Variants in AGBL3 observed in about 807,000 individuals in gnomAD.
The protein encoded by AGBL3 is cytosolic carboxypeptidase 3.
A neutral mutation model predicts 94.5 loss-of-function variants in AGBL3; 68 were observed. That is an observed-to-expected ratio of 0.72 (90% CI 0.59 to 0.88). The LOEUF is 0.88. Among genes scored for constraint, AGBL3 ranks in the 40% least tolerant of loss-of-function variants. AGBL3 has a pLI of 0.00. For synonymous variants in AGBL3, 354 were observed against 370.7 expected (o/e 0.95, Z 0.52); for missense variants, 934 against 1,103.8 (o/e 0.85, Z 2.18).
chr7:135,115,631 T>A lies in AGBL3; in HGVS notation c.2342+20T>A, dbSNP rs754445096. 1 of 1,498,342 alleles carries A rather than the reference T, an allele frequency of 6.7e-7. No individual in the cohort carries two copies. The highest frequency in any genetic ancestry group is 9.1e-7 in the Non-Finnish European group (1 of 1,102,756). The allele number at this position is 1,498,342 out of a possible 1,614,324, so 92.8% of individuals were successfully genotyped here. ...ACATCAGTAAGTCAATACAATTTTA[T>A]CACTCTTATCTATTTAACACATCTT... On this transcript the variant is annotated intron_variant, in intron 16 of 16. Transcript: ENST00000436302.
At chr7:135,102,890 A>T (rs1022682884) in intron 15 of AGBL3, among the ~76,000 whole-genome samples, 2 of 152,178 alleles carry the variant, frequency 1.3e-5, no homozygotes, top group Admixed American at 1.3e-4. Flanking sequence ...AATAGTACTC[A>T]TAAACACCAA....
intron 4 of AGBL3, among the ~76,000 whole-genome samples, chr7:134,999,924 C>T (rs2133403881): frequency 6.6e-6 from 1 of 152,346 alleles, no homozygotes; most frequent in South Asian, 2.1e-4. Flanking sequence ...TGCCATCAGT[C>T]AACCTAGTAG....
At chr7:135,024,614 C>A (rs924741854) in intron 5 of AGBL3, among the ~76,000 whole-genome samples, 1 of 152,176 alleles carries the variant, frequency 6.6e-6, no homozygotes, top group Non-Finnish European at 1.5e-5. Context: ...CAAATGAGCA[C>A]ACTAGCTCTC....
chr7:135,131,955 A>G (rs955305401), intron 16 of AGBL3, among the ~76,000 whole-genome samples: 24 of 152,278 alleles, frequency 1.6e-4, no homozygotes, highest in African/African-American at 5.3e-4. Context: ...TCAATAAAAT[A>G]TGAACTACCC....
intron 4 of AGBL3, among the ~76,000 whole-genome samples, chr7:135,000,402 T>C (rs527862808): frequency 1.1e-4 from 17 of 152,316 alleles, no homozygotes; most frequent in Non-Finnish European, 1.6e-4. Flanking sequence ...ATTGAGGGCC[T>C]GCTTGAATAG....
intron 15 of AGBL3, among the ~76,000 whole-genome samples, chr7:135,096,153 A>C (rs1011827890): frequency 6.6e-6 from 1 of 151,006 alleles, no homozygotes; most frequent in African/African-American, 2.4e-5. Flanking sequence ...CTCTCTCTCA[A>C]AAAAAAAAAA....
intron 15 of AGBL3, among the ~76,000 whole-genome samples, chr7:135,089,489 C>T (rs1399662170): frequency 6.6e-6 from 1 of 152,204 alleles, no homozygotes; most frequent in East Asian, 1.9e-4. Context: ...CCCTTCCAAA[C>T]TTTCCACAGT....
intron 2 of AGBL3, among the ~76,000 whole-genome samples, chr7:134,988,947 CTTAAT>C (rs1392637645): frequency 1.3e-5 from 2 of 152,036 alleles, no homozygotes; most frequent in East Asian, 3.9e-4. Context: ...CAATTTTATT[CTTAAT>C]TTAAATAGTT....
intron 15 of AGBL3, among the ~76,000 whole-genome samples, chr7:135,102,291 ATTATAC>A (rs1009292449): frequency 1.3e-5 from 2 of 152,208 alleles, no homozygotes; most frequent in Non-Finnish European, 2.9e-5. Context: ...TACCATGGAA[ATTATAC>A]TTATATTTTC....
chr7:135,066,338 C>G (rs975804008), intron 12 of AGBL3, among the ~76,000 whole-genome samples: 1 of 152,086 alleles, frequency 6.6e-6, no homozygotes, highest in African/African-American at 2.4e-5. Context: ...GACATTTCTC[C>G]AAGGAAGACA....
intron 16 of AGBL3, chr7:135,129,025 T>C: frequency 6.2e-7 from 1 of 1,608,332 alleles, no homozygotes; most frequent in South Asian, 1.1e-5. Context: ...TACTTTGAAA[T>C]CCAGATCAGA....
chr7:135,005,335 C>T (rs1215568569), intron 4 of AGBL3, among the ~76,000 whole-genome samples: 2 of 151,732 alleles, frequency 1.3e-5, no homozygotes, highest in African/African-American at 4.8e-5. Context: ...AATCTAAACG[C>T]ATACCACAAT....
chr7:135,003,657 AT>A (rs969107057), intron 4 of AGBL3, among the ~76,000 whole-genome samples: 7 of 150,268 alleles, frequency 4.7e-5, no homozygotes, highest in African/African-American at 1.2e-4. Flanking sequence ...TATAGTTTTA[AT>A]TTTTTTTTTT....
intron 11 of AGBL3, among the ~76,000 whole-genome samples, chr7:135,053,544 T>C (rs2116638928): frequency 6.6e-6 from 1 of 151,546 alleles, no homozygotes; most frequent in Non-Finnish European, 1.5e-5. Flanking sequence ...GAGGCGGAGG[T>C]TGCAGTGAGC....
intron 16 of AGBL3, among the ~76,000 whole-genome samples, chr7:135,125,613 A>T (rs1165181415): frequency 6.6e-6 from 1 of 152,208 alleles, no homozygotes; most frequent in Non-Finnish European, 1.5e-5. Flanking sequence ...TCAGACCAAT[A>T]TTCCTGATGA....
In AGBL3 at chr7:135,065,883, C is replaced by G. The variant is rs571152161; in HGVS notation, c.1908+6648C>G. 2.0e-5 allele frequency among the ~76,000 whole-genome samples: 3 copies of G among 152,110 alleles called. No homozygotes were observed. The South Asian group carries it at 6.2e-4, about 32-fold the overall frequency. On this transcript the variant is annotated intron_variant, in intron 12 of 16. Coordinates refer to ENST00000436302, the MANE Select transcript of AGBL3 (RefSeq NM_178563.4). ...TCGAGCCTGAGCAACAGAATGAGAC[C>G]CTGTATCAAAGAAACAAAAATGGTG...
intron 16 of AGBL3, among the ~76,000 whole-genome samples, chr7:135,123,842 C>T (rs1268032417): frequency 1.3e-5 from 2 of 152,134 alleles, no homozygotes; most frequent in African/African-American, 2.4e-5. Context: ...CAAGCAAATA[C>T]TGAGGGGTTT....
At chr7:135,035,506 T>G (rs1198460027) in intron 7 of AGBL3, among the ~76,000 whole-genome samples, 2 of 152,036 alleles carry the variant, frequency 1.3e-5, no homozygotes, top group African/African-American at 4.8e-5. Context: ...TATATAAGAT[T>G]AAGTATATTT....
Position 135,012,948 on chromosome 7 carries a change from T to C in AGBL3, c.311-4104T>C, listed in dbSNP as rs575151232. Among the ~76,000 whole-genome samples the C allele has an allele frequency of 9.2e-5, 14 of 152,212 alleles. 1 individual carries two copies. The highest frequency in any genetic ancestry group is 5.9e-4 in the Admixed American group (9 of 15,290). On this transcript the variant is annotated intron_variant, in intron 4 of 16. Coordinates refer to ENST00000436302, the MANE Select transcript of AGBL3 (RefSeq NM_178563.4). Reference sequence around the variant, plus strand: ...CAATGAAAAATTAATAAAGTTGACTTCATCAAAATTTAAAATTTCTCATTA... The same window carrying C: ...CAATGAAAAATTAATAAAGTTGACTCCATCAAAATTTAAAATTTCTCATTA...
Sources: gnomAD v4.1 joint callset for allele counts (sites outside exome capture counted in the v4.1 genomes callset) on GRCh38, gnomAD v4.1.1 for gene constraint, MANE v1.5 for transcripts, NCBI Gene and HGNC (gene_info 2026-07-23, HGNC 2026-07-21) for gene names.